The following CLNK variants were observed in gnomAD, a reference collection of about 807,000 sequenced individuals.
CLNK encodes the protein cytokine dependent hematopoietic cell linker.
A neutral mutation model predicts 68.6 loss-of-function variants in CLNK; 74 were observed. The ratio of observed to expected loss-of-function variants is 1.08; its 90% CI spans 0.89 to 1.31. CLNK has a LOEUF of 1.31. Among genes scored for constraint, CLNK ranks in the 50% most tolerant of loss-of-function variants. CLNK has a pLI of 0.00. For synonymous variants in CLNK, 198 were observed against 172.2 expected (o/e 1.15, Z -1.17); for missense variants, 553 against 515.3 (o/e 1.07, Z -0.71).
intron 2 of CLNK, among the ~76,000 whole-genome samples, chr4:10,600,006 C>G (rs1358788516): frequency 2.0e-5 from 3 of 152,188 alleles, no homozygotes; most frequent in African/African-American, 7.2e-5. Context: ...TCTATTCCTG[C>G]AAGATAAAAC....
At chr4:10,658,226 T>G (rs1335026268) in intron 2 of CLNK, among the ~76,000 whole-genome samples, 1 of 152,226 alleles carries the variant, frequency 6.6e-6, no homozygotes. Context: ...CCACTATCAC[T>G]TGCTGATTTA....
chr4:10,593,261 C>T (rs544332186), intron 3 of CLNK, among the ~76,000 whole-genome samples: 1 of 152,100 alleles, frequency 6.6e-6, no homozygotes, highest in East Asian at 1.9e-4. Context: ...GCGGGGCAGA[C>T]CAGAGCAGTC....
rs375313944 is a variant in CLNK at position 10,507,012 on chromosome 4, A to G, written c.984+947T>C. Among the ~76,000 whole-genome samples, 48 of 151,438 alleles carry G rather than the reference A, an allele frequency of 3.2e-4. No homozygotes were observed. The East Asian group carries it at 9.0e-3, about 28-fold the overall frequency. Reference sequence around the variant, plus strand: ...AGTAGAGACGGGTTTTCACCGTGTTAGCCAGGATGGTCTCGATCTCCTGAC... The same window carrying G: ...AGTAGAGACGGGTTTTCACCGTGTTGGCCAGGATGGTCTCGATCTCCTGAC... On this transcript the variant is annotated intron_variant, in intron 17 of 18. Coordinates refer to ENST00000226951, the MANE Select transcript of CLNK (RefSeq NM_052964.4).
intron 2 of CLNK, among the ~76,000 whole-genome samples, chr4:10,640,959 T>A (rs565553984): frequency 2.0e-5 from 3 of 152,342 alleles, no homozygotes; most frequent in South Asian, 4.1e-4. Flanking sequence ...GGGGGCCTTG[T>A]GGTAGCTGCC....
At chr4:10,493,482 C>T (rs58747641) in intron 18 of CLNK, among the ~76,000 whole-genome samples, 21,488 of 152,046 alleles carry the variant, frequency 0.14, 2,485 homozygotes, top group African/African-American at 0.31. Flanking sequence ...TCACATGGTC[C>T]AAAGAGCAAT....
intron 3 of CLNK, among the ~76,000 whole-genome samples, chr4:10,585,341 A>G (rs1377954025): frequency 1.3e-5 from 2 of 152,210 alleles, no homozygotes; most frequent in African/African-American, 2.4e-5. Context: ...GTTTCTCTAT[A>G]CATCATGAAC....
chr4:10,659,781 G>A (rs1020631346), intron 2 of CLNK, among the ~76,000 whole-genome samples: 1 of 152,118 alleles, frequency 6.6e-6, no homozygotes, highest in Non-Finnish European at 1.5e-5. Flanking sequence ...AGATCTCCAG[G>A]AATTCCTTTT....
rs200426459 is a variant in CLNK at position 10,564,688 on chromosome 4, G to T, written c.382C>A (p.Gln128Lys). The part of the protein sequence containing the change: ...ISIGQPTWNT[Q>K]TRLERVDKPI... ...TTACTCACTCTTTCCAACCTCGTCT[G>T]TGTGTTCCAGGTCGGCTGTCCAATG... The change falls in exon 7 of 19, where the codon CAG (glutamine) becomes AAG (lysine). Residue 128 changes from glutamine to lysine, a missense_variant. Physicochemically the swap from Gln to Lys is moderately conservative, Grantham distance 53 (BLOSUM62 1). Transcript: ENST00000226951. 1.2e-6 allele frequency: 2 copies of T among 1,611,956 alleles called. No homozygotes were observed. Among genetic ancestry groups the T allele is most frequent in the African/African-American group, 2.7e-5 (2 of 75,000 alleles).
At chr4:10,540,646 C>A in intron 10 of CLNK, 42 bp from the exon 11 acceptor site, 1 of 1,381,654 alleles carries the variant, frequency 7.2e-7, no homozygotes, top group Admixed American at 1.7e-5. Context: ...AAGTTTGCTG[C>A]AGCAGTGATG....
At chr4:10,706,450 C>T in the CLNK span, among the ~76,000 whole-genome samples, 1 of 152,046 alleles carries the variant, frequency 6.6e-6, no homozygotes, top group African/African-American at 2.4e-5. Context: ...ATAGAGATGC[C>T]AAAATAAACA....
chr4:10,607,724 T>A (rs1459010179), intron 2 of CLNK, among the ~76,000 whole-genome samples: 1 of 152,198 alleles, frequency 6.6e-6, no homozygotes, highest in East Asian at 1.9e-4. Context: ...CCATTTATGG[T>A]GTTTTCAGCC....
chr4:10,604,508 G>A (rs1182453212), intron 2 of CLNK, among the ~76,000 whole-genome samples: 1 of 152,076 alleles, frequency 6.6e-6, no homozygotes, highest in Non-Finnish European at 1.5e-5. Context: ...TGGCCTAGAT[G>A]CCAGTCAACA....
chr4:10,689,606 A>T (rs965121569), upstream of CLNK, among the ~76,000 whole-genome samples: 31 of 152,172 alleles, frequency 2.0e-4, no homozygotes, highest in African/African-American at 7.5e-4. Context: ...GGCCTGGAGT[A>T]GCACCTTGCA....
intron 2 of CLNK, among the ~76,000 whole-genome samples, chr4:10,600,822 C>T (rs1380059791): frequency 6.6e-6 from 1 of 152,214 alleles, no homozygotes; most frequent in Non-Finnish European, 1.5e-5. Context: ...TCACTTTCAT[C>T]ATGTCTCTAG....
At chr4:10,731,613 G>A in the CLNK span, among the ~76,000 whole-genome samples, 1 of 152,140 alleles carries the variant, frequency 6.6e-6, no homozygotes, top group African/African-American at 2.4e-5. Flanking sequence ...CATGTTGAAT[G>A]TTTCTAACAA....
intron 2 of CLNK, among the ~76,000 whole-genome samples, chr4:10,623,921 G>A (rs1722557822): frequency 6.6e-6 from 1 of 152,250 alleles, no homozygotes; most frequent in East Asian, 1.9e-4. Flanking sequence ...GATAAGAAGT[G>A]TAGACTAGTG....
upstream of CLNK, among the ~76,000 whole-genome samples, chr4:10,689,658 T>C (rs567567335): frequency 7.3e-5 from 11 of 151,384 alleles, no homozygotes; most frequent in Admixed American, 2.0e-4. Context: ...AACAGAACTA[T>C]TGAACACAAC....
chr4:10,560,646 G>A (rs145386184), intron 7 of CLNK, among the ~76,000 whole-genome samples: 262 of 151,926 alleles, frequency 1.7e-3, no homozygotes, highest in African/African-American at 6.2e-3. Context: ...GTTTCACAAT[G>A]TTACCCAGGC....
intron 2 of CLNK, among the ~76,000 whole-genome samples, chr4:10,601,990 T>C (rs543732327): frequency 6.6e-6 from 1 of 152,204 alleles, no homozygotes; most frequent in African/African-American, 2.4e-5. Context: ...CAAATAATTG[T>C]TCTTGCAATC....
Sources: allele counts gnomAD v4.1 joint callset (sites outside exome capture counted in the v4.1 genomes callset), GRCh38; gene constraint gnomAD v4.1.1; transcripts MANE v1.5; gene names NCBI Gene and HGNC (gene_info 2026-07-23, HGNC 2026-07-21).